Variants in ZDHHC7 observed in about 807,000 individuals in gnomAD.
The protein encoded by ZDHHC7 is zDHHC palmitoyltransferase 7.
In ZDHHC7, 12 loss-of-function variants were observed where a neutral mutation model predicts 34.1. The ratio of observed to expected loss-of-function variants is 0.35; its 90% CI spans 0.23 to 0.57. The LOEUF is 0.57. ZDHHC7 is among the 20% of genes least tolerant of loss of function. ZDHHC7 has a pLI of 0.84. For synonymous variants in ZDHHC7, 185 were observed against 155.4 expected (o/e 1.19, Z -1.42); for missense variants, 388 against 402.7 (o/e 0.96, Z 0.31).
intron 5 of ZDHHC7, among the ~76,000 whole-genome samples, chr16:84,978,707 A>T (rs370896679): frequency 6.6e-6 from 1 of 152,164 alleles, no homozygotes; most frequent in Non-Finnish European, 1.5e-5. Context: ...TACGAAAAAT[A>T]CAAAATTAGC....
chr16:85,008,647 T>A (rs975386970), intron 1 of ZDHHC7, among the ~76,000 whole-genome samples: 5 of 151,840 alleles, frequency 3.3e-5, no homozygotes, highest in Non-Finnish European at 7.4e-5. Context: ...AACCGAAGGG[T>A]CACACAGCAA....
chr16:85,009,903 T>C (rs1486503002), intron 1 of ZDHHC7, among the ~76,000 whole-genome samples: 1 of 151,838 alleles, frequency 6.6e-6, no homozygotes, highest in Non-Finnish European at 1.5e-5. Flanking sequence ...AGACATGGGG[T>C]TTCACCGTGT....
chr16:84,979,393 C>T, intron 4 of ZDHHC7, 108 bp from the exon 5 acceptor site: 4 of 1,381,674 alleles, frequency 2.9e-6, no homozygotes, highest in South Asian at 2.8e-5. Flanking sequence ...TATTCTAATA[C>T]AACATGTCAA....
chr16:85,009,544 T>C (rs1198743435), intron 1 of ZDHHC7, among the ~76,000 whole-genome samples: 1 of 150,802 alleles, frequency 6.6e-6, no homozygotes, highest in Non-Finnish European at 1.5e-5. Flanking sequence ...AATTACCTTT[T>C]CAAATAGTCT....
At chr16:84,983,232 G>A (rs2072393524) in intron 3 of ZDHHC7, among the ~76,000 whole-genome samples, 1 of 152,246 alleles carries the variant, frequency 6.6e-6, no homozygotes, top group South Asian at 2.1e-4. Context: ...GGGGATATAG[G>A]TGGGGCAAAT....
Position 84,990,490 on chromosome 16 carries a change from A to G in ZDHHC7, c.129T>C (p.Arg43=), listed in dbSNP as rs375361007. ...CAGCACAGATCATGCCGCAGCCGTC[A>G]CGGATGAACCAGACCCGGTCAGCCA... is the stretch of plus-strand genomic sequence containing the variant. ...ADVADRVWFI[R]DGCGMICAVM... Residue 43 remains arginine (R), a synonymous_variant, in exon 3 of 8, where the codon CGT becomes CGC. Transcript: ENST00000313732. The G allele has an allele frequency of 3.7e-6, 6 of 1,614,208 alleles. No homozygotes were observed. The highest frequency in any genetic ancestry group is 1.3e-5 in the African/African-American group (1 of 75,054).
At chr16:85,005,719 T>G (rs1597563842) in intron 1 of ZDHHC7, among the ~76,000 whole-genome samples, 3 of 152,250 alleles carry the variant, frequency 2.0e-5, no homozygotes, top group African/African-American at 7.2e-5. Context: ...CCAATGAGAC[T>G]GGAAGCCTCT....
intron 1 of ZDHHC7, among the ~76,000 whole-genome samples, chr16:85,010,228 C>T (rs551996695): frequency 6.6e-6 from 1 of 151,710 alleles, no homozygotes; most frequent in East Asian, 1.9e-4. Flanking sequence ...CACTATGTTG[C>T]CCAGGCTGCT....
chr16:84,991,096 C>G (rs544273680), intron 2 of ZDHHC7, among the ~76,000 whole-genome samples: 9 of 152,188 alleles, frequency 5.9e-5, no homozygotes, highest in East Asian at 1.9e-4. Context: ...GAAAGAATGA[C>G]GAGTAAGTCA....
chr16:84,987,928 G>A (rs28823705), intron 3 of ZDHHC7, among the ~76,000 whole-genome samples: 3,118 of 152,296 alleles, frequency 0.02, 75 homozygotes, highest in African/African-American at 0.058. Context: ...CCAGCACTTC[G>A]GGAGGCCGAG....
Position 84,975,447 on chromosome 16 carries a change from A to G in ZDHHC7, c.*896T>C, listed in dbSNP as rs1354034734. The G allele has an allele frequency of 6.8e-6, 1 of 147,544 alleles. No individual in the cohort carries two copies. The allele number at this position is 147,544 out of a possible 1,614,324, so 9.1% of individuals were successfully genotyped here. A position where few individuals can be genotyped will look rare whatever the true frequency, so the allele number is the denominator to read the frequency against. On this transcript the variant is annotated 3_prime_UTR_variant, in exon 8 of 8. Transcript: ENST00000313732. Reference sequence around the variant, plus strand: ...ATTTATACACTGCTAATTTGGCTGGAACAAAAAAAAAAAATCAGTTCCAAG... The same window carrying G: ...ATTTATACACTGCTAATTTGGCTGGGACAAAAAAAAAAAATCAGTTCCAAG...
intron 3 of ZDHHC7, among the ~76,000 whole-genome samples, chr16:84,989,169 G>C (rs1042141369): frequency 2.0e-5 from 3 of 152,330 alleles, no homozygotes; most frequent in African/African-American, 7.2e-5. Context: ...CAAAGCCACT[G>C]GCAGACTTTG....
chr16:85,005,873 T>G (rs1321363077), intron 1 of ZDHHC7, among the ~76,000 whole-genome samples: 1 of 152,176 alleles, frequency 6.6e-6, no homozygotes, highest in Non-Finnish European at 1.5e-5. Flanking sequence ...TCACCACCTT[T>G]TAGCCTCTGG....
rs1456878084 is a variant in ZDHHC7 at position 84,975,930 on chromosome 16, C to A, written c.*413G>T. 4.8e-6 allele frequency: 1 copy of A among 208,816 alleles called. No individual in the cohort carries two copies. The highest frequency in any genetic ancestry group is 2.4e-5 in the African/African-American group (1 of 41,876). The allele number at this position is 208,816 out of a possible 1,614,324, so 12.9% of individuals were successfully genotyped here. A position where few individuals can be genotyped will look rare whatever the true frequency, so the allele number is the denominator to read the frequency against. On this transcript the variant is annotated 3_prime_UTR_variant, in exon 8 of 8. Coordinates refer to ENST00000313732, the MANE Select transcript of ZDHHC7 (RefSeq NM_017740.3). ...GCCCTGCTGTGATCCGGGGAGTGCA[C>A]TGCTGAGTGGCGGGGTCAGCAGGAG...
At chr16:84,978,781 G>C (rs535153563) in intron 5 of ZDHHC7, among the ~76,000 whole-genome samples, 1 of 149,288 alleles carries the variant, frequency 6.7e-6, no homozygotes, top group Admixed American at 6.8e-5. Flanking sequence ...AGAATCACTT[G>C]AACTTGGGAG....
chr16:85,013,635 A>G (rs1215739635), upstream of ZDHHC7, among the ~76,000 whole-genome samples: 1 of 152,194 alleles, frequency 6.6e-6, no homozygotes, highest in African/African-American at 2.4e-5. Context: ...TTATGAATAT[A>G]TGAGATGTAC....
chr16:84,982,090 G>C (rs1597534708), intron 3 of ZDHHC7, 96 bp from the exon 4 acceptor site: 15 of 1,515,154 alleles, frequency 9.9e-6, no homozygotes, highest in African/African-American at 8.2e-5. Context: ...CCAGCACTTT[G>C]GGAGGCTGAG....
chr16:84,986,991 G>C (rs572030531), intron 3 of ZDHHC7, among the ~76,000 whole-genome samples: 1 of 152,310 alleles, frequency 6.6e-6, no homozygotes, highest in South Asian at 2.1e-4. Context: ...CAGAAAAGTA[G>C]ACCTGGACAT....
At chr16:85,004,142 A>C (rs1001804338) in intron 1 of ZDHHC7, among the ~76,000 whole-genome samples, 14 of 151,120 alleles carry the variant, frequency 9.3e-5, no homozygotes, top group African/African-American at 1.7e-4. Context: ...AACCTCCCCC[A>C]CTCAGTCACG....
Sources: gnomAD v4.1 joint callset for allele counts (sites outside exome capture counted in the v4.1 genomes callset) on GRCh38, gnomAD v4.1.1 for gene constraint, MANE v1.5 for transcripts, NCBI Gene and HGNC (gene_info 2026-07-23, HGNC 2026-07-21) for gene names.